ZFHX3: variants seen among roughly 807,000 people sequenced by gnomAD.
ZFHX3 encodes zinc finger homeobox 3.
ZFHX3 carries 42 observed loss-of-function variants against 279.1 expected under a neutral mutation model. The observed-to-expected ratio is 0.15, with a 90% confidence interval of 0.12 to 0.19. The LOEUF (loss-of-function observed/expected upper bound fraction) is 0.19. Among genes scored for constraint, ZFHX3 ranks in the 10% least tolerant of loss-of-function variants. The pLI is 1.00. For missense variants in ZFHX3, 4,981 were observed against 4,754.0 expected (o/e 1.05, Z -1.40); for synonymous variants, 2,293 against 1,957.8 (o/e 1.17, Z -4.52).
At chr16:73,815,709 G>C (rs542224051) in intron 1 of ZFHX3, 28 of 152,218 alleles carry the variant, frequency 1.8e-4, no homozygotes, top group African/African-American at 6.7e-4. Flanking sequence ...CTACAGGCAT[G>C]TGCCACCACG....
intron 3 of ZFHX3, among the ~76,000 whole-genome samples, chr16:73,447,175 C>T (rs1310900247): frequency 1.5e-5 from 2 of 133,882 alleles, no homozygotes; most frequent in Admixed American, 1.5e-4. Flanking sequence ...AGCAAGACTC[C>T]ATCTCAAAAA....
chr16:73,274,456 T>A (rs1189856090), intron 4 of ZFHX3, among the ~76,000 whole-genome samples: 1 of 152,262 alleles, frequency 6.6e-6, no homozygotes, highest in Non-Finnish European at 1.5e-5. Context: ...AGTTCACTTA[T>A]GTTCTATTCT....
intron 3 of ZFHX3, among the ~76,000 whole-genome samples, chr16:73,445,813 G>C (rs897429347): frequency 1.3e-5 from 2 of 152,170 alleles, no homozygotes; most frequent in African/African-American, 2.4e-5. Context: ...GCACAGCAGG[G>C]TTAGTGTGTA....
chr16:73,749,940 CAA>C (rs2142268707), intron 1 of ZFHX3, among the ~76,000 whole-genome samples: 1 of 152,284 alleles, frequency 6.6e-6, no homozygotes, highest in Non-Finnish European at 1.5e-5. Context: ...CTTGGCCTCC[CAA>C]ACCATACTTA....
intron 2 of ZFHX3, among the ~76,000 whole-genome samples, chr16:73,646,170 T>C (rs1434371799): frequency 6.6e-6 from 1 of 152,182 alleles, no homozygotes; most frequent in Non-Finnish European, 1.5e-5. Context: ...ATAACAGTAA[T>C]GAAATTGGGA....
intron 4 of ZFHX3, among the ~76,000 whole-genome samples, chr16:72,867,648 C>T (rs2038053725): frequency 6.6e-6 from 1 of 151,952 alleles, no homozygotes; most frequent in Non-Finnish European, 1.5e-5. Flanking sequence ...TATTTTTGCT[C>T]TTGCAGTCAT....
intron 1 of ZFHX3, among the ~76,000 whole-genome samples, chr16:73,792,037 C>T (rs1474834382): frequency 6.6e-6 from 1 of 152,148 alleles, no homozygotes; most frequent in Non-Finnish European, 1.5e-5. Flanking sequence ...AATCAAAATT[C>T]CAGACTCCTA....
At chr16:73,484,362 A>G (rs974249885) in intron 2 of ZFHX3, among the ~76,000 whole-genome samples, 1 of 152,154 alleles carries the variant, frequency 6.6e-6, no homozygotes, top group Admixed American at 6.5e-5. Flanking sequence ...TGGGCTTGAA[A>G]AACCTCCAGT....
chr16:73,269,718 G>A (rs2014087948), intron 4 of ZFHX3, among the ~76,000 whole-genome samples: 1 of 151,856 alleles, frequency 6.6e-6, no homozygotes, highest in South Asian at 2.1e-4. Flanking sequence ...AACTTTACAA[G>A]AAACTTCCCA....
At chr16:73,740,949 A>G (rs1269862238) in intron 1 of ZFHX3, among the ~76,000 whole-genome samples, 1 of 152,166 alleles carries the variant, frequency 6.6e-6, no homozygotes, top group East Asian at 1.9e-4. Context: ...ATCTATATGA[A>G]TAGACTTTCC....
chr16:72,796,187 G>A lies in ZFHX3; in HGVS notation c.6495C>T (p.Asp2165=), dbSNP rs2143427674. The A allele has an allele frequency of 6.2e-7, 1 of 1,614,116 alleles. No homozygotes were observed. The highest frequency in any genetic ancestry group is 1.3e-5 in the African/African-American group (1 of 74,996). Residue 2165 remains aspartate (D), a synonymous_variant, in exon 9 of 10, where the codon GAC becomes GAT. Transcript: ENST00000268489. ...GCTCTTCACTGGGGGAGTTGTTAAT[G>A]TCAAAATATTGCCGCAAGACTCGGA... is the stretch of plus-strand genomic sequence containing the variant. ...DQLRVLRQYF[D]INNSPSEEQI... is the part of the protein sequence containing the mutation.
At chr16:73,744,372 G>A (rs572007443) in intron 1 of ZFHX3, among the ~76,000 whole-genome samples, 9 of 152,142 alleles carry the variant, frequency 5.9e-5, no homozygotes, top group South Asian at 2.1e-4. Context: ...GAGTTTACTC[G>A]GGGCTTCAGA....
intron 1 of ZFHX3, among the ~76,000 whole-genome samples, chr16:73,878,948 T>C (rs923002567): frequency 6.7e-6 from 1 of 148,514 alleles, no homozygotes; most frequent in Admixed American, 6.7e-5. Context: ...AAGATATATA[T>C]ATATATATAT....
At chr16:73,616,272 T>C (rs2052299968) in intron 2 of ZFHX3, among the ~76,000 whole-genome samples, 1 of 151,092 alleles carries the variant, frequency 6.6e-6, no homozygotes, top group Non-Finnish European at 1.5e-5. Context: ...GCTTTTACTT[T>C]CCATTCAAGT....
At chr16:73,474,801 C>A (rs966870099) in intron 2 of ZFHX3, among the ~76,000 whole-genome samples, 4 of 152,212 alleles carry the variant, frequency 2.6e-5, no homozygotes, top group African/African-American at 9.7e-5. Context: ...AAATGCTCAA[C>A]AAATGCTTCG....
chr16:73,142,873 C>T (rs1225536707), intron 6 of ZFHX3, among the ~76,000 whole-genome samples: 1 of 152,150 alleles, frequency 6.6e-6, no homozygotes, highest in Admixed American at 6.5e-5. Flanking sequence ...CAGAAAGGCC[C>T]AGTGATTGGT....
At chr16:73,071,476 TGCC>T (rs59328820) in intron 8 of ZFHX3, among the ~76,000 whole-genome samples, 10,865 of 151,094 alleles carry the variant, frequency 0.072, 798 homozygotes, top group African/African-American at 0.19. Flanking sequence ...CTGCTGCTGC[TGCC>T]GCCGCCGCCG....
intron 5 of ZFHX3, among the ~76,000 whole-genome samples, chr16:73,236,733 G>A (rs866334320): frequency 6.6e-6 from 1 of 152,158 alleles, no homozygotes; most frequent in African/African-American, 2.4e-5. Context: ...AAAACAATTA[G>A]TGATTAGTGT....
At chr16:73,245,266 G>A (rs1567428761) in intron 5 of ZFHX3, among the ~76,000 whole-genome samples, 2 of 152,078 alleles carry the variant, frequency 1.3e-5, no homozygotes, top group Non-Finnish European at 2.9e-5. Context: ...CCACTTTTCT[G>A]TTTTTTTGTT....
Sources: gnomAD v4.1 joint callset for allele counts (sites outside exome capture counted in the v4.1 genomes callset) on GRCh38, gnomAD v4.1.1 for gene constraint, MANE v1.5 for transcripts, NCBI Gene and HGNC (gene_info 2026-07-23, HGNC 2026-07-21) for gene names.